Variants in HIPK2 observed in about 807,000 individuals in gnomAD.
HIPK2 encodes the protein homeodomain interacting protein kinase 2.
In HIPK2, 27 loss-of-function variants were observed where a neutral mutation model predicts 113.7. The observed-to-expected ratio is 0.24, with a 90% CI of 0.17 to 0.33. The LOEUF (loss-of-function observed/expected upper bound fraction) is 0.33, where lower values mean the gene tolerates loss of function less well. HIPK2 is among the 10% of genes least tolerant of loss of function. The probability of loss-of-function intolerance (pLI) is 1.00; values close to 1 mark genes in which losing one functional copy is unlikely to be tolerated. For missense variants in HIPK2, 1,257 were observed against 1,588.0 expected (o/e 0.79, Z 3.54); for synonymous variants, 631 against 642.2 (o/e 0.98, Z 0.26).
intron 2 of HIPK2, among the ~76,000 whole-genome samples, chr7:139,712,101 C>T (rs764280067): frequency 5.3e-5 from 8 of 152,218 alleles, no homozygotes; most frequent in Non-Finnish European, 1.0e-4. Context: ...AGAACCTGGG[C>T]AGCTGACAGT....
intron 2 of HIPK2, among the ~76,000 whole-genome samples, chr7:139,690,888 C>T (rs1794386193): frequency 6.6e-6 from 1 of 152,208 alleles, no homozygotes; most frequent in Non-Finnish European, 1.5e-5. Context: ...TATAAATTAC[C>T]CAGTCTCAGG....
At chr7:139,587,630 G>A (rs1421932072) in intron 12 of HIPK2, among the ~76,000 whole-genome samples, 2 of 152,130 alleles carry the variant, frequency 1.3e-5, no homozygotes, top group African/African-American at 2.4e-5. Context: ...TGGAAGCTAG[G>A]TGCGGTAGCT....
At position 139,708,720 on chromosome 7, in the gene HIPK2, G is replaced by A. The variant is rs554988123; in HGVS notation, c.1103+7212C>T. Among the ~76,000 whole-genome samples, 196 of 152,312 alleles carry A rather than the reference G, an allele frequency of 1.3e-3. 1 individual carries two copies. The highest frequency in any genetic ancestry group is 1.4e-3 in the East Asian group (7 of 5,178). On this transcript the variant is annotated intron_variant, in intron 2 of 14. Coordinates refer to ENST00000406875, the MANE Select transcript of HIPK2 (RefSeq NM_022740.5). ...TCTTTAAGTGTGTGCGTGTGCCCTT[G>A]CATGTCCAAGCATGCTTGCTGCGTG...
At position 139,631,305 on chromosome 7, in the gene HIPK2, G is replaced by T. The variant is rs771087525; in HGVS notation, c.1228-21C>A. 5.4e-5 allele frequency: 86 copies of T among 1,598,156 alleles called. No individual in the cohort carries two copies. The highest frequency in any genetic ancestry group is 6.8e-5 in the Non-Finnish European group (80 of 1,171,650). On this transcript the variant is annotated intron_variant, in intron 3 of 14. Transcript: ENST00000406875. This position sits in a 1 kb window ranked among gnomAD's most constrained non-coding sequence, Gnocchi z 4.9. ...CGAATCTGCAAGAAAAGATAAGAAT[G>T]AGGTCAGGGCTTTTCCTGTCACTAT...
chr7:139,706,393 A>G (rs1177655817), intron 2 of HIPK2, among the ~76,000 whole-genome samples: 1 of 152,144 alleles, frequency 6.6e-6, no homozygotes, highest in Non-Finnish European at 1.5e-5. Context: ...AGATGACAAG[A>G]AACTGGGCAT....
intron 10 of HIPK2, 81 bp downstream of exon 10, chr7:139,604,000 A>C: frequency 6.3e-7 from 1 of 1,579,450 alleles, no homozygotes; most frequent in Non-Finnish European, 8.7e-7. Context: ...AGTACAGGCC[A>C]GCCTGGCAGC....
intron 6 of HIPK2, among the ~76,000 whole-genome samples, chr7:139,622,858 A>C (rs952139867): frequency 1.3e-5 from 2 of 152,178 alleles, no homozygotes; most frequent in African/African-American, 4.8e-5. Context: ...TGGGTCCCAG[A>C]TGAAGTTCTG....
intron 1 of HIPK2, among the ~76,000 whole-genome samples, chr7:139,745,908 G>A (rs1440408179): frequency 3.3e-5 from 5 of 152,274 alleles, no homozygotes; most frequent in Non-Finnish European, 5.9e-5. Context: ...TAGCAGCCAC[G>A]ATTATTTCAA....
chr7:139,725,529 ATACAAC>A (rs1795549985), intron 1 of HIPK2, among the ~76,000 whole-genome samples: 1 of 152,276 alleles, frequency 6.6e-6, no homozygotes. Flanking sequence ...TGCACTGTGT[ATACAAC>A]TACCTAGTTA....
chr7:139,672,687 T>G (rs931079409), intron 2 of HIPK2, among the ~76,000 whole-genome samples: 1 of 152,166 alleles, frequency 6.6e-6, no homozygotes, highest in Non-Finnish European at 1.5e-5. Flanking sequence ...CTCGAACTCC[T>G]GACCTCAGGT....
chr7:139,649,719 G>A (rs1447536968), intron 2 of HIPK2, among the ~76,000 whole-genome samples: 1 of 152,108 alleles, frequency 6.6e-6, no homozygotes, highest in Non-Finnish European at 1.5e-5. Context: ...GAAAACTTCT[G>A]GGGCCACCTG....
rs1569479974 is a variant in HIPK2, at chr7:139,716,798, A to G, written c.237T>C (p.Pro79=). ...TSLPVPNPSL[P]YEQTIVFPGS... is the part of the protein sequence containing the mutation. ...CTGGGAAGACGATGGTCTGCTCGTA[A>G]GGTAGGCTTGGGTTTGGGACCGGCA... is the stretch of plus-strand genomic sequence containing the variant. The change falls in exon 2 of 15, where the codon CCT becomes CCC. Residue 79 remains proline (P), a synonymous_variant. Coordinates refer to ENST00000406875, the MANE Select transcript of HIPK2 (RefSeq NM_022740.5). This position sits in a 1 kb window ranked among gnomAD's most constrained non-coding sequence, Gnocchi z 9.3. The G allele has an allele frequency of 6.2e-7, 1 of 1,613,846 alleles. No individual in the cohort carries two copies. The highest frequency in any genetic ancestry group is 8.5e-7 in the Non-Finnish European group (1 of 1,179,856).
intron 1 of HIPK2, among the ~76,000 whole-genome samples, chr7:139,741,862 T>C (rs7782128): frequency 0.36 from 55,094 of 152,100 alleles, 13,960 homozygotes; most frequent in African/African-American, 0.72. Flanking sequence ...TGATGAAAAA[T>C]GTCAGAGAAA....
intron 1 of HIPK2, among the ~76,000 whole-genome samples, chr7:139,768,136 A>C (rs2117165697): frequency 6.6e-6 from 1 of 152,308 alleles, no homozygotes; most frequent in South Asian, 2.1e-4. Context: ...AGGAGTAGAG[A>C]GAGAGAATTG....
At chr7:139,667,058 CCTT>C (rs537638134) in intron 2 of HIPK2, among the ~76,000 whole-genome samples, 1 of 143,420 alleles carries the variant, frequency 7.0e-6, no homozygotes. Context: ...GAGCGAGACT[CCTT>C]CTTAAAAAAA....
At chr7:139,617,631 G>A (rs1291239975) in intron 7 of HIPK2, among the ~76,000 whole-genome samples, 2 of 152,206 alleles carry the variant, frequency 1.3e-5, no homozygotes, top group Admixed American at 6.5e-5. Context: ...TAACCTGAAA[G>A]TTTTAGAAAG....
chr7:139,638,656 C>CTTTTTTTTTTTTT (rs1184555180), intron 2 of HIPK2, among the ~76,000 whole-genome samples: 2 of 130,262 alleles, frequency 1.5e-5, no homozygotes, highest in African/African-American at 6.1e-5. Context: ...AAATAATTGT[C>CTTTTTTTTTTTTT]TTTTTTTTTT....
At chr7:139,650,264 C>T (rs538782575) in intron 2 of HIPK2, among the ~76,000 whole-genome samples, 14 of 149,122 alleles carry the variant, frequency 9.4e-5, no homozygotes, top group African/African-American at 3.2e-4. Context: ...GCAAGAGAAT[C>T]GCTTGAACCC....
chr7:139,741,971 A>T (rs1796109862), intron 1 of HIPK2, among the ~76,000 whole-genome samples: 1 of 152,212 alleles, frequency 6.6e-6, no homozygotes, highest in South Asian at 2.1e-4. Flanking sequence ...ACCTTACAGA[A>T]GAAAGAGATC....
Sources: gnomAD v4.1 joint callset for allele counts (sites outside exome capture counted in the v4.1 genomes callset) on GRCh38, gnomAD v4.1.1 for gene constraint, Gnocchi (gnomAD v3.1) non-coding constraint, MANE v1.5 for transcripts, NCBI Gene and HGNC (gene_info 2026-07-23, HGNC 2026-07-21) for gene names.